ARHGAP39: variants seen among roughly 807,000 people sequenced by gnomAD.
The protein encoded by ARHGAP39 is Rho GTPase activating protein 39, also known as rho GTPase-activating protein 39.
ARHGAP39 carries 44 observed loss-of-function variants against 106.9 expected under a neutral mutation model. The ratio of observed to expected loss-of-function variants is 0.41; its 90% CI spans 0.32 to 0.53. The LOEUF is 0.53. Among genes scored for constraint, ARHGAP39 ranks in the 20% least tolerant of loss-of-function variants. The probability of loss-of-function intolerance (pLI) is 0.21; values close to 1 mark genes in which losing one functional copy is unlikely to be tolerated. For synonymous variants in ARHGAP39, 768 were observed against 693.2 expected, an observed-to-expected ratio of 1.11 and a Z score of -1.69; for missense variants, 1,496 against 1,577.3, an observed-to-expected ratio of 0.95 and a Z score of 0.87.
At chr8:144,616,869 CA>C (rs768481107) in intron 1 of ARHGAP39, among the ~76,000 whole-genome samples, 8 of 152,164 alleles carry the variant, frequency 5.3e-5, no homozygotes, top group Non-Finnish European at 8.8e-5. Flanking sequence ...CATATATGCC[CA>C]ATGCCCAGTG....
At chr8:144,597,725 A>G (rs1263387990) in intron 2 of ARHGAP39, among the ~76,000 whole-genome samples, 2 of 152,204 alleles carry the variant, frequency 1.3e-5, no homozygotes, top group Admixed American at 6.5e-5. Context: ...GAATTTCAGG[A>G]GCTCAGTTAG....
Position 144,546,790 on chromosome 8 carries a change from G to A in ARHGAP39, c.1959+337C>T, listed in dbSNP as rs115921955. Among the ~76,000 whole-genome samples the A allele has an allele frequency of 3.5e-3, 528 of 152,262 alleles. 2 individuals are homozygous for A. The highest frequency in any genetic ancestry group is 0.012 in the African/African-American group (505 of 41,556). The stretch of plus-strand genomic sequence containing the variant: ...CCTGCTCCTCAGGGGCCCAGGCCAC[G>A]GCTCCGGTGGCCACCACCCTCCCAG... On this transcript the variant is annotated intron_variant, in intron 5 of 11. Transcript: ENST00000377307.
intron 1 of ARHGAP39, among the ~76,000 whole-genome samples, chr8:144,626,787 C>A (rs1820929176): frequency 6.6e-6 from 1 of 152,244 alleles, no homozygotes; most frequent in African/African-American, 2.4e-5. Context: ...AGCTTCCCTC[C>A]CCTCCCCTCC....
At chr8:144,537,671 A>C (rs749476982) in intron 7 of ARHGAP39, 50 bp downstream of exon 7, 1 of 1,520,722 alleles carries the variant, frequency 6.6e-7, no homozygotes, top group Non-Finnish European at 9.1e-7. Flanking sequence ...GAGGCTGGAG[A>C]GCAGAGCTGT....
At chr8:144,656,454 A>G (rs1467851662) in intron 1 of ARHGAP39, among the ~76,000 whole-genome samples, 1 of 152,210 alleles carries the variant, frequency 6.6e-6, no homozygotes, top group African/African-American at 2.4e-5. Context: ...CACAGCTTCA[A>G]AACACATGGA....
At chr8:144,667,619 G>A (rs930482356) in intron 1 of ARHGAP39, among the ~76,000 whole-genome samples, 10 of 152,180 alleles carry the variant, frequency 6.6e-5, no homozygotes, top group Admixed American at 2.6e-4. Context: ...CTAAGGTCAC[G>A]GAGATGACAG....
intron 1 of ARHGAP39, among the ~76,000 whole-genome samples, chr8:144,650,821 C>T (rs1361254861): frequency 1.3e-5 from 2 of 152,162 alleles, no homozygotes; most frequent in South Asian, 2.1e-4. Flanking sequence ...AAGCTGGAAG[C>T]ATTCCCCTTG....
At chr8:144,680,009 C>G (rs961226816) in intron 1 of ARHGAP39, among the ~76,000 whole-genome samples, 1 of 152,210 alleles carries the variant, frequency 6.6e-6, no homozygotes, top group African/African-American at 2.4e-5. Context: ...AAATCTAAAG[C>G]CTTTAACTGG....
Position 144,644,379 on chromosome 8 carries a change from G to A in ARHGAP39, c.-81-38684C>T, listed in dbSNP as rs1293840849. On this transcript the variant is annotated intron_variant, in intron 1 of 11. Transcript: ENST00000377307. The surrounding 1 kb of genome is among the most constrained non-coding windows in gnomAD (Gnocchi z 4.8). ...ATGAAGTGACCAGGAGCGGCAGATC[G>A]GCAGAGATGGAGGCGGCTATGAGGC... Among the ~76,000 whole-genome samples the A allele has an allele frequency of 6.6e-6, 1 of 152,162 alleles. No individual in the cohort carries two copies. Among genetic ancestry groups the A allele is most frequent in the Non-Finnish European group, 1.5e-5 (1 of 68,028 alleles).
chr8:144,654,007 C>A (rs1821636089), intron 1 of ARHGAP39, among the ~76,000 whole-genome samples: 2 of 152,236 alleles, frequency 1.3e-5, no homozygotes, highest in East Asian at 1.9e-4. Flanking sequence ...GCTGTCTGGA[C>A]TGCCGGACAC....
At chr8:144,621,091 T>G (rs1186299649) in intron 1 of ARHGAP39, among the ~76,000 whole-genome samples, 1 of 152,264 alleles carries the variant, frequency 6.6e-6, no homozygotes, top group Non-Finnish European at 1.5e-5. Flanking sequence ...CTAGCCCCCA[T>G]CACAGGGTGG....
chr8:144,683,817 A>T (rs994164930), intron 1 of ARHGAP39, among the ~76,000 whole-genome samples: 9 of 152,140 alleles, frequency 5.9e-5, no homozygotes, highest in Non-Finnish European at 1.3e-4. Flanking sequence ...CTTCCAGTTT[A>T]CATTACATTG....
At chr8:144,534,284 T>A (rs1375709721) in intron 7 of ARHGAP39, 82 bp from the exon 8 acceptor site, 1 of 1,511,392 alleles carries the variant, frequency 6.6e-7, no homozygotes. Context: ...CACAGCTCCT[T>A]CGAGGGCCCT....
intron 7 of ARHGAP39, among the ~76,000 whole-genome samples, chr8:144,536,121 G>C (rs1349621497): frequency 2.6e-5 from 4 of 152,166 alleles, no homozygotes; most frequent in African/African-American, 7.2e-5. Flanking sequence ...ACCTGTGTGG[G>C]GTGCTCTGCT....
At chr8:144,621,457 G>A (rs1820804854) in intron 1 of ARHGAP39, among the ~76,000 whole-genome samples, 3 of 152,230 alleles carry the variant, frequency 2.0e-5, no homozygotes, top group African/African-American at 7.2e-5. Context: ...GAGTCAAGGT[G>A]CCACCCAGAG....
At chr8:144,581,650 CA>C (rs1818995724) in intron 2 of ARHGAP39, among the ~76,000 whole-genome samples, 1 of 152,226 alleles carries the variant, frequency 6.6e-6, no homozygotes, top group Non-Finnish European at 1.5e-5. Flanking sequence ...CACACCTGCT[CA>C]GTAGCCCCTC....
chr8:144,665,457 T>C (rs901170697), intron 1 of ARHGAP39, among the ~76,000 whole-genome samples: 7 of 152,326 alleles, frequency 4.6e-5, no homozygotes, highest in Middle Eastern at 3.4e-3. Context: ...CGCCAGGCCA[T>C]GTCAGAGACC....
intron 6 of ARHGAP39, among the ~76,000 whole-genome samples, chr8:144,542,183 C>A (rs1314432874): frequency 2.0e-5 from 3 of 152,184 alleles, no homozygotes; most frequent in African/African-American, 7.2e-5. Context: ...GAGCTGGAGG[C>A]TACCATACCC....
At chr8:144,571,167 G>A (rs1245229815) in intron 3 of ARHGAP39, among the ~76,000 whole-genome samples, 1 of 152,142 alleles carries the variant, frequency 6.6e-6, no homozygotes, top group Non-Finnish European at 1.5e-5. Context: ...AAGGCTGGCA[G>A]AGACACAACA....
Sources: gnomAD v4.1 joint callset for allele counts (sites outside exome capture counted in the v4.1 genomes callset) on GRCh38, gnomAD v4.1.1 for gene constraint, Gnocchi (gnomAD v3.1) non-coding constraint, MANE v1.5 for transcripts, NCBI Gene and HGNC (gene_info 2026-07-23, HGNC 2026-07-21) for gene names.